IL17REL: variants seen among roughly 807,000 people sequenced by gnomAD.
IL17REL encodes interleukin 17 receptor E like, also known as interleukin-17 receptor E-like protein.
In IL17REL, 36 loss-of-function variants were observed where a neutral mutation model predicts 49.0. That is an observed-to-expected ratio of 0.73 (90% CI 0.56 to 0.97). The LOEUF is 0.97. Ranked by LOEUF, IL17REL falls within the 50% of genes least tolerant of loss-of-function variation. IL17REL has a pLI of 0.00. For missense variants in IL17REL, 470 were observed against 453.9 expected, an observed-to-expected ratio of 1.04 and a Z score of -0.32; for synonymous variants, 206 against 192.4, an observed-to-expected ratio of 1.07 and a Z score of -0.58.
intron 5 of IL17REL, 108 bp downstream of exon 7, chr22:49,999,720 G>GGGGGTGGGCGGGGCGC (rs1244342039): frequency 1.7e-6 from 1 of 573,628 alleles, no homozygotes; most frequent in South Asian, 8.4e-5. Context: ...GCGGGGCGCG[G>GGGGGTGGGCGGGGCGC]GGGGTGGGCG....
exon 8 of IL17REL, chr22:49,998,271 A>G: frequency 6.2e-7 from 1 of 1,611,570 alleles, no homozygotes; most frequent in Non-Finnish European, 8.5e-7. Context: ...TCCGGGTGGT[A>G]GTAGACCGTG....
intron 9 of IL17REL, 86 bp downstream of exon 11, chr22:49,997,939 G>C (rs1307201155): frequency 4.5e-6 from 7 of 1,544,310 alleles, no homozygotes; most frequent in Non-Finnish European, 6.2e-6. Context: ...TCCAGGGCTG[G>C]GCAAGGGCCC....
intron 3 of IL17REL, 62 bp from the exon 5 acceptor site, chr22:50,000,654 C>A: frequency 6.4e-7 from 1 of 1,558,512 alleles, no homozygotes. Context: ...ACCCGGCCAG[C>A]TCCACTTGCA....
At chr22:50,004,334 C>T (rs2061096394) in intron 1 of IL17REL, among the ~76,000 whole-genome samples, 1 of 152,122 alleles carries the variant, frequency 6.6e-6, no homozygotes, top group African/African-American at 2.4e-5. Flanking sequence ...CTGCCTCAGC[C>T]TCCCAAACAC....
upstream of IL17REL, among the ~76,000 whole-genome samples, chr22:50,009,524 C>A (rs919515409): frequency 6.6e-6 from 1 of 152,082 alleles, no homozygotes; most frequent in Non-Finnish European, 1.5e-5. Flanking sequence ...TCCAGGCCCC[C>A]TGGGGGCGGC....
chr22:49,999,523 C>G, intron 5 of IL17REL, 21 bp from the exon 8 acceptor site: 1 of 1,493,648 alleles, frequency 6.7e-7, no homozygotes, highest in South Asian at 1.1e-5. Flanking sequence ...GAAAGGGCGG[C>G]TGAGGGGCCG....
Position 50,004,078 on chromosome 22 carries a change from G to GT in IL17REL, c.-41-2848dup, listed in dbSNP as rs1174529897. ...TCTTTTTTGTTTGTTTTAGTTTTTT[G>GT]TTTTTTTGTGTTTTTTTTGAGACAG... On this transcript the variant is annotated intron_variant, in intron 1 of 12. Transcript: ENST00000341280. Among the ~76,000 whole-genome samples the GT allele has an allele frequency of 6.6e-5, 10 of 151,576 alleles. No homozygotes were observed. The East Asian group carries it at 1.2e-3, about 18-fold the overall frequency.
chr22:50,010,940 C>A (rs1043769047), upstream of IL17REL, among the ~76,000 whole-genome samples: 1 of 151,994 alleles, frequency 6.6e-6, no homozygotes, highest in East Asian at 1.9e-4. Flanking sequence ...GGCGGCTGCT[C>A]GCGGCCCCAC....
chr22:50,004,593 C>A (rs1250641433), intron 1 of IL17REL, among the ~76,000 whole-genome samples: 4 of 151,968 alleles, frequency 2.6e-5, no homozygotes, highest in African/African-American at 9.7e-5. Context: ...GTGAGGCCAA[C>A]AACTCCCCTT....
chr22:49,992,941 C>T (rs902084475), downstream of IL17REL, among the ~76,000 whole-genome samples: 2 of 152,158 alleles, frequency 1.3e-5, no homozygotes, highest in African/African-American at 4.8e-5. Flanking sequence ...ATTGCAGCTC[C>T]CCACACTCCC....
chr22:49,998,215 A>G (rs1279366563), exon 8 of IL17REL: 4 of 1,612,450 alleles, frequency 2.5e-6, no homozygotes, highest in East Asian at 4.5e-5. Context: ...ACAGGCTCAC[A>G]TGGCCACTCA....
At chr22:49,994,914 G>A (rs2061025925) in exon 13 of IL17REL, 1 of 152,438 alleles carries the variant, frequency 6.6e-6, no homozygotes, top group African/African-American at 2.4e-5. Flanking sequence ...TGGAATGTCT[G>A]AGAACCGCAC....
chr22:50,001,602 C>A (rs757325324), intron 1 of IL17REL, among the ~76,000 whole-genome samples: 1 of 152,350 alleles, frequency 6.6e-6, no homozygotes, highest in South Asian at 2.1e-4. Context: ...AAGGCCAACA[C>A]GGGCTTGCTG....
exon 11 of IL17REL, chr22:49,997,356 T>C: frequency 6.2e-7 from 1 of 1,613,770 alleles, no homozygotes; most frequent in Admixed American, 1.7e-5. Flanking sequence ...GGAGTGTGCG[T>C]TGGCAGGCAG....
intron 7 of IL17REL, among the ~76,000 whole-genome samples, chr22:49,998,648 G>A (rs1405048868): frequency 1.3e-5 from 2 of 151,194 alleles, no homozygotes; most frequent in African/African-American, 4.9e-5. Context: ...GCCTGCCTGT[G>A]CATGGGTGTC....
chr22:49,997,587 G>A (rs1479610725), intron 10 of IL17REL, 98 bp downstream of exon 12: 1 of 1,441,590 alleles, frequency 6.9e-7, no homozygotes, highest in East Asian at 2.3e-5. Context: ...CCCCCACACT[G>A]GCTTGGCACC....
At position 49,996,926 on chromosome 22, in the gene IL17REL, G is replaced by A. The variant is rs184103308; in HGVS notation, c.*45-66C>T. On this transcript the variant is annotated intron_variant, in intron 12 of 12. Transcript: ENST00000341280. ...TCCCCCGGGGATGGGGGATGGGAAG[G>A]GGGGGTGTGAACTGAGGTCCTGCAG... 734 of 756,562 alleles carry A rather than the reference G, an allele frequency of 9.7e-4. 8 individuals are homozygous for A. The East Asian group carries it at 0.012, about 12-fold the overall frequency. 46.9% of individuals were successfully genotyped at this position (756,562 alleles called of 1,614,324 possible).
chr22:50,000,919 G>A (rs556006570), intron 2 of IL17REL, 56 bp from the exon 4 acceptor site: 28 of 1,390,572 alleles, frequency 2.0e-5, no homozygotes, highest in East Asian at 1.3e-4. Flanking sequence ...CCCTGGCTCC[G>A]GACGGGGCCG....
In IL17REL at chr22:49,997,842, C is replaced by A. The variant is rs556894669; in HGVS notation, c.820-100G>T. 7.1e-6 allele frequency: 10 copies of A among 1,418,426 alleles called. No individual in the cohort carries two copies. The Admixed American group carries it at 1.6e-4, about 22-fold the overall frequency. 87.9% of individuals were successfully genotyped at this position (1,418,426 alleles called of 1,614,324 possible). On this transcript the variant is annotated intron_variant, in intron 9 of 12. Transcript: ENST00000341280. ...GACAGGCTGGGTCAGCTTCAGGGTG[C>A]TCTGGGCCCAGTTCTCCTCCTTAGG...
Sources: allele counts gnomAD v4.1 joint callset (sites outside exome capture counted in the v4.1 genomes callset), GRCh38; gene constraint gnomAD v4.1.1; transcripts MANE v1.5; gene names NCBI Gene and HGNC (gene_info 2026-07-23, HGNC 2026-07-21).